HDAC4: variants seen among roughly 807,000 people sequenced by gnomAD.
HDAC4 encodes the protein histone deacetylase A.
In HDAC4, 16 loss-of-function variants were observed where a neutral mutation model predicts 135.1. That is an observed-to-expected ratio of 0.12 (90% CI 0.08 to 0.18). The LOEUF (loss-of-function observed/expected upper bound fraction) is 0.18. Ranked by LOEUF, HDAC4 falls within the 10% of genes least tolerant of loss-of-function variation. HDAC4 has a pLI of 1.00. For synonymous variants in HDAC4, 685 were observed against 653.4 expected (o/e 1.05, Z -0.74); for missense variants, 1,143 against 1,511.8 (o/e 0.76, Z 4.05).
At chr2:239,091,927 C>T (rs1326460430) in intron 17 of HDAC4, 1 of 150,618 alleles carries the variant, frequency 6.6e-6, no homozygotes, top group Non-Finnish European at 1.5e-5. Context: ...AAAAATTAGC[C>T]AGGTGCCGTG....
intron 7 of HDAC4, among the ~76,000 whole-genome samples, chr2:239,153,863 G>A (rs942194853): frequency 1.3e-5 from 2 of 152,248 alleles, no homozygotes; most frequent in African/African-American, 2.4e-5. Flanking sequence ...ATCTACGAGA[G>A]ATGGCGCGGG....
intron 2 of HDAC4, among the ~76,000 whole-genome samples, chr2:239,297,013 TG>T (rs1370567407): frequency 7.0e-6 from 1 of 143,162 alleles, no homozygotes; most frequent in Admixed American, 7.4e-5. Context: ...CTCCCATTTC[TG>T]TTTGTTTTCA....
intron 3 of HDAC4, among the ~76,000 whole-genome samples, chr2:239,230,960 G>T (rs956998361): frequency 1.3e-5 from 2 of 152,168 alleles, no homozygotes; most frequent in Non-Finnish European, 2.9e-5. Context: ...GTTCCAAAAT[G>T]TAAGAGCAGT....
At chr2:239,394,727 G>A (rs908427970) in intron 1 of HDAC4, among the ~76,000 whole-genome samples, 1 of 152,388 alleles carries the variant, frequency 6.6e-6, no homozygotes. Context: ...CAGGCCAGAG[G>A]TGGGGCCTCA....
chr2:239,306,318 G>C lies in HDAC4; in HGVS notation c.22+46360C>G, dbSNP rs1483939441. 2.0e-5 allele frequency among the ~76,000 whole-genome samples: 3 copies of C among 152,134 alleles called. No individual in the cohort carries two copies. The highest frequency in any genetic ancestry group is 4.4e-5 in the Non-Finnish European group (3 of 68,016). ...CCCTGGCCCATCCACAGGTGGGTGA[G>C]CTCCCACCCAGGTCCAGCAAGTCAG... On this transcript the variant is annotated intron_variant, in intron 2 of 26. Coordinates refer to ENST00000543185, the MANE Select transcript of HDAC4 (RefSeq NM_001378414.1). The surrounding 1 kb of genome is among the most constrained non-coding windows in gnomAD (Gnocchi z 4.5).
intron 15 of HDAC4, among the ~76,000 whole-genome samples, chr2:239,106,457 G>T (rs1285808790): frequency 6.6e-6 from 1 of 152,170 alleles, no homozygotes; most frequent in South Asian, 2.1e-4. Flanking sequence ...GGGAAGGGAC[G>T]TGGGGAAGGA....
intron 16 of HDAC4, among the ~76,000 whole-genome samples, chr2:239,101,807 C>A (rs1244370197): frequency 6.6e-6 from 1 of 151,896 alleles, no homozygotes; most frequent in East Asian, 2.0e-4. Context: ...AGCCCCCGAC[C>A]CTGGGTCTGG....
At chr2:239,233,370 AG>A (rs2047708167) in intron 3 of HDAC4, among the ~76,000 whole-genome samples, 1 of 152,130 alleles carries the variant, frequency 6.6e-6, no homozygotes, top group African/African-American at 2.4e-5. Flanking sequence ...TGACACTCAA[AG>A]GCAATGCTCA....
At chr2:239,164,269 T>G (rs1205881009) in intron 5 of HDAC4, among the ~76,000 whole-genome samples, 1 of 152,242 alleles carries the variant, frequency 6.6e-6, no homozygotes, top group Non-Finnish European at 1.5e-5. Context: ...GTGGTTGCAT[T>G]CTTGCTACCG....
At chr2:239,084,623 CCA>C (rs1182430772) in intron 19 of HDAC4, among the ~76,000 whole-genome samples, 4 of 150,742 alleles carry the variant, frequency 2.7e-5, no homozygotes, top group African/African-American at 7.3e-5. Flanking sequence ...GACACACACA[CCA>C]CAGACAGAGA....
At chr2:239,229,162 TA>T (rs1261134388) in intron 3 of HDAC4, among the ~76,000 whole-genome samples, 2 of 151,930 alleles carry the variant, frequency 1.3e-5, no homozygotes, top group African/African-American at 4.8e-5. Context: ...AAAAAATAAA[TA>T]AAAATAAAAA....
chr2:239,265,121 C>G (rs2049641184), intron 2 of HDAC4, among the ~76,000 whole-genome samples: 1 of 152,150 alleles, frequency 6.6e-6, no homozygotes, highest in South Asian at 2.1e-4. Context: ...CTCCCTTGAA[C>G]CACTGTGAAC....
At position 239,352,612 on chromosome 2, in the gene HDAC4, A is replaced by G. The variant is rs1193722244; in HGVS notation, c.22+66T>C. 12 of 1,469,810 alleles carry G rather than the reference A, an allele frequency of 8.2e-6. No homozygotes were observed. Among genetic ancestry groups the G allele is most frequent in the African/African-American group, 1.4e-5 (1 of 71,368 alleles). 91.0% of individuals were successfully genotyped at this position (1,469,810 alleles called of 1,614,324 possible). A position where few individuals can be genotyped will look rare whatever the true frequency, so the allele number is the denominator to read the frequency against. On this transcript the variant is annotated intron_variant, in intron 2 of 26. Coordinates refer to ENST00000543185, the MANE Select transcript of HDAC4 (RefSeq NM_001378414.1). This position sits in a 1 kb window ranked among gnomAD's most constrained non-coding sequence, Gnocchi z 4.4. Reference sequence around the variant, plus strand: ...AATCCAGAAAGCAAGCTGCAGTCACAAGAACTTCTACTTTGGGCAAAGAAA... The same window carrying G: ...AATCCAGAAAGCAAGCTGCAGTCACGAGAACTTCTACTTTGGGCAAAGAAA...
At chr2:239,135,391 C>T (rs541950530) in intron 9 of HDAC4, among the ~76,000 whole-genome samples, 95 of 152,256 alleles carry the variant, frequency 6.2e-4, no homozygotes, top group Middle Eastern at 3.4e-3. Flanking sequence ...GAAAAGCACG[C>T]GGTGAGGACC....
At chr2:239,174,248 T>C (rs1234152124) in intron 5 of HDAC4, among the ~76,000 whole-genome samples, 1 of 151,762 alleles carries the variant, frequency 6.6e-6, no homozygotes, top group African/African-American at 2.4e-5. Flanking sequence ...AAGTACAGAG[T>C]GGAAGAAGAG....
At chr2:239,370,693 G>T (rs1177848696) in intron 1 of HDAC4, among the ~76,000 whole-genome samples, 1 of 152,232 alleles carries the variant, frequency 6.6e-6, no homozygotes, top group East Asian at 1.9e-4. Flanking sequence ...TGGTGGAAAG[G>T]CTGGTGCACC....
chr2:239,387,132 A>G (rs1695869541), intron 1 of HDAC4, among the ~76,000 whole-genome samples: 1 of 152,232 alleles, frequency 6.6e-6, no homozygotes, highest in African/African-American at 2.4e-5. Context: ...ACGCACGTAC[A>G]TGTGTGTTGA....
chr2:239,288,394 C>T (rs1332107740), intron 2 of HDAC4, among the ~76,000 whole-genome samples: 2 of 152,072 alleles, frequency 1.3e-5, no homozygotes, highest in East Asian at 1.9e-4. Flanking sequence ...ATGTCAAGGA[C>T]GACAGAAGGA....
At chr2:239,148,048 T>C (rs1333601928) in intron 7 of HDAC4, among the ~76,000 whole-genome samples, 3 of 152,166 alleles carry the variant, frequency 2.0e-5, no homozygotes, top group Admixed American at 6.5e-5. Flanking sequence ...GCGGTTTCTT[T>C]GTGGGCCTGA....
Sources: gnomAD v4.1 joint callset for allele counts (sites outside exome capture counted in the v4.1 genomes callset) on GRCh38, gnomAD v4.1.1 for gene constraint, Gnocchi (gnomAD v3.1) non-coding constraint, MANE v1.5 for transcripts, NCBI Gene and HGNC (gene_info 2026-07-23, HGNC 2026-07-21) for gene names.